The following HSH2D variants were observed in gnomAD, a reference collection of about 807,000 sequenced individuals.
HSH2D encodes hematopoietic SH2 domain containing.
HSH2D carries 16 observed loss-of-function variants against 21.5 expected under a neutral mutation model. That is an observed-to-expected ratio of 0.74 (90% CI 0.50 to 1.13). The LOEUF is 1.13. Ranked by LOEUF, HSH2D falls within the 50% of genes most tolerant of loss-of-function variation. HSH2D has a pLI of 0.00. For synonymous variants in HSH2D, 172 were observed against 184.7 expected (o/e 0.93, Z 0.56); for missense variants, 418 against 441.4 (o/e 0.95, Z 0.47).
chr19:16,155,287 A>G (rs1199555509), intron 5 of HSH2D, among the ~76,000 whole-genome samples: 1 of 151,766 alleles, frequency 6.6e-6, no homozygotes, highest in Non-Finnish European at 1.5e-5. Context: ...AAGTGGGGGA[A>G]GGCAGTCAGG....
upstream of HSH2D, among the ~76,000 whole-genome samples, chr19:16,142,320 C>T (rs1297120653): frequency 6.6e-6 from 1 of 152,212 alleles, no homozygotes; most frequent in East Asian, 1.9e-4. Flanking sequence ...GATTCCTTCT[C>T]ACCCTCAAAT....
chr19:16,152,931 G>A (rs777545842), intron 3 of HSH2D, 112 bp from the exon 4 acceptor site: 1 of 1,291,464 alleles, frequency 7.7e-7, no homozygotes, highest in East Asian at 2.5e-5. Context: ...AAGCCTGCAT[G>A]GGAACCTGGG....
chr19:16,142,416 G>A (rs528382103), upstream of HSH2D, among the ~76,000 whole-genome samples: 7 of 152,130 alleles, frequency 4.6e-5, no homozygotes, highest in Non-Finnish European at 7.4e-5. Flanking sequence ...GGATTTTTTT[G>A]TTTGTTTGGG....
intron 1 of HSH2D, among the ~76,000 whole-genome samples, chr19:16,147,924 C>A (rs929254606): frequency 6.6e-6 from 1 of 151,598 alleles, no homozygotes. Context: ...GGATTACAGG[C>A]GTGAGCCACC....
intron 2 of HSH2D, 129 bp downstream of exon 2, chr19:16,149,004 C>A: frequency 1.0e-6 from 1 of 992,736 alleles, no homozygotes; most frequent in Non-Finnish European, 1.5e-6. Context: ...CTAAAATGAG[C>A]TCCAGGCTCC....
chr19:16,144,231 C>G (rs971192833), intron 1 of HSH2D, among the ~76,000 whole-genome samples: 2 of 151,902 alleles, frequency 1.3e-5, no homozygotes. Flanking sequence ...GCCCTGATCC[C>G]TAGGAGGCCC....
chr19:16,141,266 G>A (rs2090997856), upstream of HSH2D, among the ~76,000 whole-genome samples: 1 of 152,232 alleles, frequency 6.6e-6, no homozygotes, highest in African/African-American at 2.4e-5. Flanking sequence ...ACGAGGTGCT[G>A]CTGTTGCCGA....
chr19:16,135,243 G>A (rs565604959), intron 1 of HSH2D, among the ~76,000 whole-genome samples: 1 of 152,200 alleles, frequency 6.6e-6, no homozygotes, highest in South Asian at 2.1e-4. Flanking sequence ...CTGCACTCTA[G>A]CCTGGGTGAC....
At chr19:16,155,836 GACCTCATGATCCGCTC>G (rs2091230039) in intron 5 of HSH2D, 1 of 152,774 alleles carries the variant, frequency 6.5e-6, no homozygotes, top group Non-Finnish European at 1.5e-5. Context: ...TCAAACCCCT[GACCTCATGATCCGCTC>G]ACCTCGGCCT....
At chr19:16,150,045 T>A (rs899499261) in intron 2 of HSH2D, among the ~76,000 whole-genome samples, 8 of 152,216 alleles carry the variant, frequency 5.3e-5, no homozygotes, top group Non-Finnish European at 7.3e-5. Context: ...TTCTGAGCTC[T>A]GGGGCCTTGC....
chr19:16,141,442 C>T (rs1467576386), upstream of HSH2D, among the ~76,000 whole-genome samples: 1 of 152,166 alleles, frequency 6.6e-6, no homozygotes, highest in Non-Finnish European at 1.5e-5. Context: ...GGTACGAGCA[C>T]ACGGCCAGAG....
At chr19:16,146,213 C>G (rs1359053989) in intron 1 of HSH2D, among the ~76,000 whole-genome samples, 1 of 152,170 alleles carries the variant, frequency 6.6e-6, no homozygotes, top group East Asian at 1.9e-4. Flanking sequence ...CTCTCCAGCT[C>G]TGTCATTGGT....
intron 1 of HSH2D, among the ~76,000 whole-genome samples, chr19:16,136,641 G>A (rs2090966127): frequency 6.6e-6 from 1 of 152,148 alleles, no homozygotes; most frequent in Non-Finnish European, 1.5e-5. Flanking sequence ...ATAGAAAACA[G>A]TTGCCTGGGT....
At chr19:16,149,279 T>G (rs2091115907) in intron 2 of HSH2D, among the ~76,000 whole-genome samples, 1 of 151,976 alleles carries the variant, frequency 6.6e-6, no homozygotes, top group Non-Finnish European at 1.5e-5. Flanking sequence ...CTTGGCTCAC[T>G]GCAACCTCTG....
At chr19:16,140,892 A>C (rs2090995462), upstream of HSH2D, among the ~76,000 whole-genome samples, 1 of 152,126 alleles carries the variant, frequency 6.6e-6, no homozygotes, top group African/African-American at 2.4e-5. Context: ...CCTACTCAAA[A>C]AAAAAAGAAG....
At chr19:16,144,994 G>A (rs550350415) in intron 1 of HSH2D, among the ~76,000 whole-genome samples, 160 of 150,266 alleles carry the variant, frequency 1.1e-3, no homozygotes, top group African/African-American at 3.8e-3. Context: ...ACCTGTCCCA[G>A]GCTCTTTTTT....
At chr19:16,155,003 G>A (rs2091219602) in intron 5 of HSH2D, 1 of 153,776 alleles carries the variant, frequency 6.5e-6, no homozygotes, top group Non-Finnish European at 1.4e-5. Flanking sequence ...CAGTCAGACT[G>A]TGAGCTCTGA....
chr19:16,153,355 C>A, intron 4 of HSH2D, 147 bp downstream of exon 4: 1 of 761,328 alleles, frequency 1.3e-6, no homozygotes, highest in Non-Finnish European at 2.0e-6. Context: ...AGTAGTCCCT[C>A]TGCCCCCCAC....
At chr19:16,151,617 AG>A (rs2091151629) in intron 2 of HSH2D, 1 of 455,756 alleles carries the variant, frequency 2.2e-6, no homozygotes, top group Non-Finnish European at 4.4e-6. Flanking sequence ...ATCCACCCAA[AG>A]GTGCCTTAAT....
Sources: allele counts gnomAD v4.1 joint callset (sites outside exome capture counted in the v4.1 genomes callset), GRCh38; gene constraint gnomAD v4.1.1; transcripts MANE v1.5; gene names NCBI Gene and HGNC (gene_info 2026-07-23, HGNC 2026-07-21).